Variants in IMPACT observed in about 807,000 individuals in gnomAD.
IMPACT encodes impact RWD domain protein, also known as protein IMPACT.
A neutral mutation model predicts 47.5 loss-of-function variants in IMPACT; 35 were observed. The observed-to-expected ratio is 0.74, with a 90% confidence interval of 0.56 to 0.98. IMPACT has a LOEUF of 0.98. IMPACT is among the 50% of genes least tolerant of loss of function. The probability of loss-of-function intolerance (pLI) is 0.00; values close to 1 mark genes in which losing one functional copy is unlikely to be tolerated. For missense variants in IMPACT, 373 were observed against 394.8 expected (o/e 0.94, Z 0.47); for synonymous variants, 118 against 125.6 (o/e 0.94, Z 0.40).
chr18:24,444,894 T>C (rs569820698), intron 7 of IMPACT, among the ~76,000 whole-genome samples: 2 of 152,348 alleles, frequency 1.3e-5, no homozygotes, highest in African/African-American at 4.8e-5. Flanking sequence ...TGGAATGTCT[T>C]CTTCCTGCCC....
chr18:24,428,070 A>G, intron 2 of IMPACT, 23 bp downstream of exon 2: 4 of 1,559,904 alleles, frequency 2.6e-6, no homozygotes, highest in Non-Finnish European at 3.4e-6. Flanking sequence ...CCTTCCTTGC[A>G]GCCATCTTTC....
chr18:24,438,274 G>T (rs895158028), intron 5 of IMPACT, among the ~76,000 whole-genome samples: 3 of 152,114 alleles, frequency 2.0e-5, no homozygotes, highest in African/African-American at 4.8e-5. Context: ...CTGAGATTTG[G>T]CTTTCCATGG....
intron 5 of IMPACT, among the ~76,000 whole-genome samples, chr18:24,438,950 A>C (rs902512962): frequency 6.6e-6 from 1 of 152,206 alleles, no homozygotes; most frequent in African/African-American, 2.4e-5. Context: ...ATATTTTAAG[A>C]AATTGGCTTA....
chr18:24,440,784 T>C (rs777375041), intron 6 of IMPACT, among the ~76,000 whole-genome samples, 166 bp downstream of exon 6: 3 of 152,262 alleles, frequency 2.0e-5, no homozygotes, highest in Non-Finnish European at 4.4e-5. Flanking sequence ...TTTTGGTGTT[T>C]GCCAAGTCTT....
chr18:24,446,172 C>A (rs1909245073), intron 8 of IMPACT, among the ~76,000 whole-genome samples: 1 of 152,032 alleles, frequency 6.6e-6, no homozygotes, highest in African/African-American at 2.4e-5. Context: ...AAGCAATCCT[C>A]CCACCTCAGC....
intron 10 of IMPACT, 28 bp from the exon 11 acceptor site, chr18:24,450,751 A>G (rs1299984988): frequency 2.7e-6 from 4 of 1,483,724 alleles, no homozygotes; most frequent in Non-Finnish European, 3.8e-6. Flanking sequence ...AAATGGAGAG[A>G]TGCTGCACTG....
chr18:24,428,386 T>C (rs2144329195), intron 2 of IMPACT, among the ~76,000 whole-genome samples: 1 of 152,350 alleles, frequency 6.6e-6, no homozygotes, highest in South Asian at 2.1e-4. Context: ...AGGTTAGTAA[T>C]GTAGATGACT....
chr18:24,448,024 A>T (rs1200727753), intron 8 of IMPACT, 69 bp from the exon 9 acceptor site: 1 of 877,104 alleles, frequency 1.1e-6, no homozygotes, highest in Non-Finnish European at 1.8e-6. Flanking sequence ...AATGATCACA[A>T]ATGTTGAGGA....
In IMPACT at chr18:24,448,080, C is replaced by G; in HGVS notation, c.669-13C>G. ...TTAGTTTCAAAGTGTAATACTCTTA[C>G]ATGTATTTGCAGAATATATTGTGAG... On this transcript the variant is annotated splice_polypyrimidine_tract_variant and intron_variant, in intron 8 of 10. Coordinates refer to ENST00000284202, the MANE Select transcript of IMPACT (RefSeq NM_018439.4). 1 of 1,510,286 alleles carries G rather than the reference C, an allele frequency of 6.6e-7. No homozygotes were observed. Among genetic ancestry groups the G allele is most frequent in the Non-Finnish European group, 9.2e-7 (1 of 1,086,322 alleles). The allele number at this position is 1,510,286 out of a possible 1,614,324, so 93.6% of individuals were successfully genotyped here.
intron 4 of IMPACT, among the ~76,000 whole-genome samples, chr18:24,436,723 A>AT (rs955075706): frequency 1.5e-4 from 23 of 150,384 alleles, no homozygotes; most frequent in East Asian, 3.9e-4. Flanking sequence ...TAATTTTTGT[A>AT]TTTTTTTTGT....
intron 7 of IMPACT, among the ~76,000 whole-genome samples, chr18:24,444,368 A>G (rs1909195655): frequency 6.6e-6 from 1 of 152,230 alleles, no homozygotes; most frequent in African/African-American, 2.4e-5. Context: ...TAAACAGAAG[A>G]TTGCACAATT....
intron 4 of IMPACT, among the ~76,000 whole-genome samples, chr18:24,437,168 G>A (rs992310159): frequency 5.3e-5 from 8 of 152,022 alleles, no homozygotes; most frequent in African/African-American, 1.9e-4. Context: ...GAGGTGAGGT[G>A]TTGCTATATA....
intron 1 of IMPACT, chr18:24,427,161 T>C (rs928102001): frequency 1.4e-5 from 3 of 213,252 alleles, no homozygotes; most frequent in Non-Finnish European, 1.8e-5. Flanking sequence ...AAAATGGCAA[T>C]AGCCCAGACC....
At chr18:24,450,133 C>T (rs569031957) in intron 10 of IMPACT, among the ~76,000 whole-genome samples, 180 bp downstream of exon 10, 21 of 152,222 alleles carry the variant, frequency 1.4e-4, no homozygotes, top group South Asian at 8.3e-4. Flanking sequence ...GACTTTGGAC[C>T]GATCACTTAA....
intron 7 of IMPACT, among the ~76,000 whole-genome samples, chr18:24,443,777 A>G (rs2144345681): frequency 6.6e-6 from 1 of 152,160 alleles, no homozygotes; most frequent in East Asian, 1.9e-4. Context: ...TAAATGGGAG[A>G]GGTTTCAGCC....
At chr18:24,444,340 T>C (rs577965661) in intron 7 of IMPACT, among the ~76,000 whole-genome samples, 1 of 152,300 alleles carries the variant, frequency 6.6e-6, no homozygotes, top group East Asian at 1.9e-4. Flanking sequence ...TTTGAGAACC[T>C]GAAAGATTAT....
At chr18:24,435,649 T>C (rs537271744) in intron 4 of IMPACT, 1 of 152,294 alleles carries the variant, frequency 6.6e-6, no homozygotes, top group Non-Finnish European at 1.5e-5. Flanking sequence ...AAGTGTGAAC[T>C]CAACTCCTCT....
chr18:24,451,466 G>T lies in IMPACT; in HGVS notation c.*619G>T, dbSNP rs1159509325. ...ACATATTTGTTAGCATAAATATTAT[G>T]CTTCAGTTTCTGTTGCAAATTGGTG... On this transcript the variant is annotated 3_prime_UTR_variant, in exon 11 of 11. Transcript: ENST00000284202. 1 of 152,158 alleles carries T rather than the reference G, an allele frequency of 6.6e-6. No individual in the cohort carries two copies. The highest frequency in any genetic ancestry group is 6.5e-5 in the Admixed American group (1 of 15,270). 9.4% of individuals were successfully genotyped at this position (152,158 alleles called of 1,614,324 possible).
At chr18:24,428,176 A>G in intron 2 of IMPACT, 129 bp downstream of exon 2, 1 of 803,704 alleles carries the variant, frequency 1.2e-6, no homozygotes, top group East Asian at 2.8e-5. Flanking sequence ...ATGATTAAAC[A>G]CATGGGCAGT....
Sources: gnomAD v4.1 joint callset for allele counts (sites outside exome capture counted in the v4.1 genomes callset) on GRCh38, gnomAD v4.1.1 for gene constraint, MANE v1.5 for transcripts, NCBI Gene and HGNC (gene_info 2026-07-23, HGNC 2026-07-21) for gene names.